PARD3B: variants seen among roughly 807,000 people sequenced by gnomAD.
PARD3B encodes the protein par-3 family cell polarity regulator beta, also known as partitioning defective 3 homolog B.
A neutral mutation model predicts 130.2 loss-of-function variants in PARD3B; 103 were observed. The observed-to-expected ratio is 0.79, with a 90% CI of 0.67 to 0.93. PARD3B has a LOEUF of 0.93. Among genes scored for constraint, PARD3B ranks in the 40% least tolerant of loss-of-function variants. The pLI, the probability that PARD3B is intolerant of heterozygous loss-of-function variation, is 0.00. For missense variants in PARD3B, 1,609 were observed against 1,499.2 expected (o/e 1.07, Z -1.21); for synonymous variants, 583 against 553.2 (o/e 1.05, Z -0.76).
intron 2 of PARD3B, among the ~76,000 whole-genome samples, chr2:204,810,900 A>G (rs2042939016): frequency 1.3e-5 from 2 of 151,944 alleles, no homozygotes; most frequent in Non-Finnish European, 2.9e-5. Context: ...CTCTTTGTCC[A>G]TCTGGTAGAA....
At chr2:204,819,206 C>G (rs1234259062) in intron 2 of PARD3B, among the ~76,000 whole-genome samples, 2 of 152,190 alleles carry the variant, frequency 1.3e-5, no homozygotes, top group African/African-American at 4.8e-5. Flanking sequence ...TGCGGCAACC[C>G]TGTCTCAAGC....
intron 16 of PARD3B, among the ~76,000 whole-genome samples, chr2:205,285,524 T>C (rs2041360371): frequency 1.3e-5 from 2 of 152,170 alleles, no homozygotes; most frequent in Non-Finnish European, 2.9e-5. Flanking sequence ...ATCTGGCCAC[T>C]AAGGTCCTTG....
Position 205,553,393 on chromosome 2 carries a change from TC to T in PARD3B, c.3252del (p.Leu1085TyrfsTer10), listed in dbSNP as rs1263845471. 1 of 1,613,826 alleles carries T rather than the reference TC, an allele frequency of 6.2e-7. No homozygotes were observed. Among genetic ancestry groups the T allele is most frequent in the Non-Finnish European group, 8.5e-7 (1 of 1,179,840 alleles). The part of the protein sequence containing the change: ...RFEGMERQYA[S>X]LPRGGPADPV... ...TGAAGGGATGGAGAGGCAGTACGCA[TC>T]CTTACCCAGGTAGATCACGGAGAGG... On this transcript the variant is annotated frameshift_variant, in exon 22 of 23. Transcript: ENST00000406610. LOFTEE classifies it high-confidence loss of function.
chr2:204,676,447 C>T (rs1362167582), intron 1 of PARD3B, among the ~76,000 whole-genome samples: 1 of 151,992 alleles, frequency 6.6e-6, no homozygotes, highest in East Asian at 1.9e-4. Flanking sequence ...TATTCCTACC[C>T]TACAGCAGAG....
At chr2:205,465,329 A>G (rs949635038) in intron 20 of PARD3B, among the ~76,000 whole-genome samples, 2 of 152,156 alleles carry the variant, frequency 1.3e-5, no homozygotes, top group African/African-American at 2.4e-5. Context: ...CCAAGGTACA[A>G]ACGAGGATAT....
chr2:205,027,817 G>A lies in PARD3B; in HGVS notation c.395-19764G>A, dbSNP rs200948341. Among the ~76,000 whole-genome samples the A allele has an allele frequency of 5.3e-5, 8 of 152,200 alleles. No homozygotes were observed. The East Asian group carries it at 1.4e-3, about 26-fold the overall frequency. On this transcript the variant is annotated intron_variant, in intron 3 of 22. Transcript: ENST00000406610. ...TTCACACAGCATCATTTATTGAAGA[G>A]ACTATCCTTTCCCCATTTTGCATTC...
At chr2:205,408,866 T>G (rs2046500045) in intron 19 of PARD3B, among the ~76,000 whole-genome samples, 1 of 152,156 alleles carries the variant, frequency 6.6e-6, no homozygotes, top group African/African-American at 2.4e-5. Flanking sequence ...TTGGAATGAT[T>G]CCCAGTTTTA....
At chr2:205,520,580 A>G (rs921680550) in intron 21 of PARD3B, among the ~76,000 whole-genome samples, 28 of 152,138 alleles carry the variant, frequency 1.8e-4, no homozygotes, top group Admixed American at 1.7e-3. Flanking sequence ...ATGCTCTAAA[A>G]TGCTTAGGTA....
intron 18 of PARD3B, among the ~76,000 whole-genome samples, chr2:205,360,233 T>A (rs2044339489): frequency 6.7e-6 from 1 of 149,870 alleles, no homozygotes; most frequent in African/African-American, 2.4e-5. Flanking sequence ...ACATCATTTG[T>A]CATTTTTGTT....
intron 10 of PARD3B, among the ~76,000 whole-genome samples, chr2:205,145,227 A>G (rs188695852): frequency 2.3e-4 from 35 of 152,188 alleles, no homozygotes; most frequent in Admixed American, 1.6e-3. Context: ...TTAAGATTAT[A>G]TTTTTTAACT....
chr2:204,958,248 T>C (rs562542306), intron 2 of PARD3B, among the ~76,000 whole-genome samples: 87 of 152,276 alleles, frequency 5.7e-4, no homozygotes, highest in African/African-American at 2.0e-3. Flanking sequence ...ATGCTACAGG[T>C]TGGCAACAGA....
Position 205,473,738 on chromosome 2 carries a change from AT to A in PARD3B, c.3045-26157del, listed in dbSNP as rs1403438867. On this transcript the variant is annotated intron_variant, in intron 20 of 22. Transcript: ENST00000406610. The surrounding 1 kb of genome is among the most constrained non-coding windows in gnomAD (Gnocchi z 4.9). ...CACACACGTATATAAAACCCTAAAT[AT>A]ATATATATATATATATAACCTTAAA... 9.9e-6 allele frequency among the ~76,000 whole-genome samples: 1 copy of A among 101,088 alleles called. No homozygotes were observed. Among genetic ancestry groups the A allele is most frequent in the African/African-American group, 9.4e-5 (1 of 10,586 alleles). The allele number at this position is 101,088 out of a possible 152,430, so 66.3% of individuals were successfully genotyped here.
intron 18 of PARD3B, among the ~76,000 whole-genome samples, chr2:205,386,387 A>C (rs1242052951): frequency 6.6e-6 from 1 of 152,196 alleles, no homozygotes; most frequent in Non-Finnish European, 1.5e-5. Flanking sequence ...ACAGTGTTCT[A>C]ACCAATTGAG....
intron 2 of PARD3B, among the ~76,000 whole-genome samples, chr2:204,881,670 T>A (rs1479187334): frequency 6.6e-6 from 1 of 152,156 alleles, no homozygotes. Context: ...AAAGGCAAAT[T>A]TCTGATGGAT....
intron 22 of PARD3B, among the ~76,000 whole-genome samples, chr2:205,570,222 GAAT>G (rs1356553580): frequency 6.6e-6 from 1 of 152,136 alleles, no homozygotes; most frequent in Non-Finnish European, 1.5e-5. Flanking sequence ...GCCAGTTTAT[GAAT>G]AATATTTTGT....
chr2:205,282,347 A>T (rs1045906412), intron 16 of PARD3B, among the ~76,000 whole-genome samples: 2 of 151,900 alleles, frequency 1.3e-5, no homozygotes, highest in African/African-American at 4.8e-5. Flanking sequence ...TATACTACCT[A>T]TTGCCAGAAA....
chr2:205,421,701 T>C lies in PARD3B; in HGVS notation c.2742-18669T>C, dbSNP rs2046979132. On this transcript the variant is annotated intron_variant, in intron 19 of 22. Transcript: ENST00000406610. The surrounding 1 kb of genome is among the most constrained non-coding windows in gnomAD (Gnocchi z 5.1). ...TTGGTATCATAAAACAACATAAATTTATTCTCTTAACGTTTTGGAGGCCAT... is the reference window on the plus strand; with the variant it reads ...TTGGTATCATAAAACAACATAAATTCATTCTCTTAACGTTTTGGAGGCCAT... Among the ~76,000 whole-genome samples the C allele has an allele frequency of 6.6e-6, 1 of 152,210 alleles. No individual in the cohort carries two copies. The highest frequency in any genetic ancestry group is 2.4e-5 in the African/African-American group (1 of 41,456).
intron 3 of PARD3B, among the ~76,000 whole-genome samples, chr2:205,001,536 C>T (rs532412424): frequency 2.0e-5 from 3 of 152,178 alleles, no homozygotes; most frequent in Non-Finnish European, 2.9e-5. Context: ...TGACAGGCAC[C>T]GTCAGCTGAA....
intron 1 of PARD3B, among the ~76,000 whole-genome samples, chr2:204,586,124 A>C (rs2032812675): frequency 6.6e-6 from 1 of 152,214 alleles, no homozygotes; most frequent in African/African-American, 2.4e-5. Flanking sequence ...AGACTTGGCT[A>C]ATGAGTCTGA....
Sources: gnomAD v4.1 joint callset for allele counts (sites outside exome capture counted in the v4.1 genomes callset) on GRCh38, gnomAD v4.1.1 for gene constraint, Gnocchi (gnomAD v3.1) non-coding constraint, MANE v1.5 for transcripts, NCBI Gene and HGNC (gene_info 2026-07-23, HGNC 2026-07-21) for gene names.